Variants in TMEM131 observed in about 807,000 individuals in gnomAD.
TMEM131 encodes the protein 2610524E03Rik.
Under a neutral mutation model 211.6 loss-of-function variants are expected in TMEM131, and 66 were observed. The observed-to-expected ratio is 0.31, with a 90% CI of 0.26 to 0.38. The LOEUF (loss-of-function observed/expected upper bound fraction) is 0.38, where lower values mean the gene tolerates loss of function less well. TMEM131 is among the 10% of genes least tolerant of loss of function. TMEM131 has a pLI of 1.00. For synonymous variants in TMEM131, 844 were observed against 841.3 expected, an observed-to-expected ratio of 1.00 and a Z score of -0.06; for missense variants, 2,036 against 2,299.3, an observed-to-expected ratio of 0.89 and a Z score of 2.34.
At chr2:97,972,365 CCCA>C (rs903397690) in intron 1 of TMEM131, among the ~76,000 whole-genome samples, 8 of 151,478 alleles carry the variant, frequency 5.3e-5, no homozygotes, top group African/African-American at 1.9e-4. Context: ...CTGCACTACT[CCCA>C]CCTGGGTGAC....
rs1362135271 is a variant in TMEM131, at chr2:97,762,021, A to G, written c.4889+14T>C. On this transcript the variant is annotated intron_variant, in intron 36 of 40. Transcript: ENST00000186436. The stretch of plus-strand genomic sequence containing the variant: ...ATTTCAAGCTGAGAACCGGAAAGGA[A>G]GCAGCAGGCCTACCTGCTGGAGCTG... 1 of 1,540,054 alleles carries G rather than the reference A, an allele frequency of 6.5e-7. No homozygotes were observed. The highest frequency in any genetic ancestry group is 8.7e-7 in the Non-Finnish European group (1 of 1,149,950).
intron 33 of TMEM131, among the ~76,000 whole-genome samples, chr2:97,769,017 C>T (rs543370549): frequency 6.6e-6 from 1 of 150,550 alleles, no homozygotes; most frequent in Non-Finnish European, 1.5e-5. Context: ...GGTGCAATCA[C>T]GGCTCTCTGC....
chr2:97,882,798 T>C (rs1424197700), intron 4 of TMEM131, among the ~76,000 whole-genome samples: 1 of 152,218 alleles, frequency 6.6e-6, no homozygotes, highest in Non-Finnish European at 1.5e-5. Context: ...GGTTCACACC[T>C]GCCTGCAACC....
At chr2:97,858,863 A>G (rs1412747695) in intron 5 of TMEM131, among the ~76,000 whole-genome samples, 1 of 152,208 alleles carries the variant, frequency 6.6e-6, no homozygotes, top group Admixed American at 6.5e-5. Context: ...CCTCTGGACA[A>G]GGACTCAGCC....
intron 4 of TMEM131, among the ~76,000 whole-genome samples, chr2:97,874,460 A>G (rs528222920): frequency 6.6e-6 from 1 of 152,376 alleles, no homozygotes; most frequent in African/African-American, 2.4e-5. Flanking sequence ...AAAAATGTTA[A>G]GCGCAGCCAG....
At chr2:97,912,394 G>C (rs979883493) in intron 2 of TMEM131, among the ~76,000 whole-genome samples, 1 of 152,128 alleles carries the variant, frequency 6.6e-6, no homozygotes, top group Non-Finnish European at 1.5e-5. Context: ...CATTTGACTG[G>C]CAGGGACCTT....
chr2:97,988,242 AACTGG>A (rs1463913392), intron 1 of TMEM131, among the ~76,000 whole-genome samples: 1 of 152,234 alleles, frequency 6.6e-6, no homozygotes. Flanking sequence ...GAACTGGAGA[AACTGG>A]ATATCCACAT....
At chr2:97,772,600 CTTTAA>C (rs199733758) in intron 32 of TMEM131, among the ~76,000 whole-genome samples, 176 bp from the exon 33 acceptor site, 26 of 152,322 alleles carry the variant, frequency 1.7e-4, no homozygotes, top group East Asian at 5.8e-4. Flanking sequence ...TTTTGGCCTT[CTTTAA>C]TTTGTCTCAG....
At chr2:97,895,086 G>A (rs1675547150) in intron 3 of TMEM131, among the ~76,000 whole-genome samples, 3 of 152,210 alleles carry the variant, frequency 2.0e-5, no homozygotes. Context: ...ATGAAGGGGT[G>A]TTGAATTTTG....
At chr2:97,886,314 G>A (rs190145304) in intron 4 of TMEM131, among the ~76,000 whole-genome samples, 17 of 152,176 alleles carry the variant, frequency 1.1e-4, no homozygotes, top group Non-Finnish European at 1.6e-4. Context: ...CTTTGGAGGC[G>A]TCATGTTTCC....
At chr2:97,847,079 G>GA (rs1447125355) in intron 5 of TMEM131, among the ~76,000 whole-genome samples, 1 of 110,802 alleles carries the variant, frequency 9.0e-6, no homozygotes, top group East Asian at 2.9e-4. Flanking sequence ...CTGGGGGGGG[G>GA]GGGGGGGGCC....
intron 33 of TMEM131, among the ~76,000 whole-genome samples, chr2:97,770,408 C>G (rs936109693): frequency 2.0e-5 from 3 of 152,202 alleles, no homozygotes; most frequent in African/African-American, 7.2e-5. Context: ...AAGACAGTTT[C>G]AAGCACACGG....
chr2:97,896,703 C>T (rs1675628067), intron 3 of TMEM131, among the ~76,000 whole-genome samples: 1 of 152,000 alleles, frequency 6.6e-6, no homozygotes, highest in Non-Finnish European at 1.5e-5. Context: ...AAGGAGTATT[C>T]TTGTGCCATT....
intron 4 of TMEM131, among the ~76,000 whole-genome samples, chr2:97,868,996 G>A (rs1383611625): frequency 1.3e-5 from 2 of 152,086 alleles, no homozygotes; most frequent in African/African-American, 2.4e-5. Flanking sequence ...GAAGATAAAA[G>A]TCTTCTTCCT....
intron 4 of TMEM131, among the ~76,000 whole-genome samples, chr2:97,866,650 C>CA (rs544135387): frequency 6.6e-6 from 1 of 152,102 alleles, no homozygotes; most frequent in African/African-American, 2.4e-5. Flanking sequence ...TCCTTCCCAG[C>CA]AATGTTTTTG....
At chr2:97,860,372 C>T (rs781063424) in intron 4 of TMEM131, among the ~76,000 whole-genome samples, 21 of 152,142 alleles carry the variant, frequency 1.4e-4, no homozygotes, top group Non-Finnish European at 2.9e-4. Context: ...CAATCCAAAC[C>T]CTCATTTCTA....
In TMEM131 at chr2:97,757,093, CTTAAT is replaced by C. The variant is rs769477271; in HGVS notation, c.*1_*5del. On this transcript the variant is annotated 3_prime_UTR_variant, in exon 41 of 41. Coordinates refer to ENST00000186436, the MANE Select transcript of TMEM131 (RefSeq NM_015348.2). ...GCCCACTATGTTTGTTTGTTTTTTG[CTTAAT>C]TTAATTCTCGTGAGGAAAGTGCGAA... 11 of 1,571,312 alleles carry C rather than the reference CTTAAT, an allele frequency of 7.0e-6. No individual in the cohort carries two copies. Among genetic ancestry groups the C allele is most frequent in the African/African-American group, 4.1e-5 (3 of 73,152 alleles).
intron 25 of TMEM131, among the ~76,000 whole-genome samples, chr2:97,800,558 T>G (rs1036494049): frequency 7.1e-6 from 1 of 140,924 alleles, no homozygotes; most frequent in African/African-American, 2.8e-5. Context: ...GAAACTAGCC[T>G]GGCCAACATG....
chr2:97,873,057 G>C (rs925916441), intron 4 of TMEM131, among the ~76,000 whole-genome samples: 7 of 152,326 alleles, frequency 4.6e-5, no homozygotes, highest in East Asian at 3.9e-4. Context: ...GGAGCTTGGT[G>C]GGGGGAGGGG....
Sources: allele counts gnomAD v4.1 joint callset (sites outside exome capture counted in the v4.1 genomes callset), GRCh38; gene constraint gnomAD v4.1.1; transcripts MANE v1.5; gene names NCBI Gene and HGNC (gene_info 2026-07-23, HGNC 2026-07-21).